Variants in ZNF444 observed in about 807,000 individuals in gnomAD.
The protein encoded by ZNF444 is zinc finger protein 444.
In ZNF444, 8 loss-of-function variants were observed where a neutral mutation model predicts 14.4. The observed-to-expected ratio is 0.56, with a 90% CI of 0.33 to 1.00. The LOEUF is 1.00. Ranked by LOEUF, ZNF444 falls within the 50% of genes least tolerant of loss-of-function variation. The pLI is 0.03. For missense variants in ZNF444, 510 were observed against 504.8 expected (o/e 1.01, Z -0.10); for synonymous variants, 258 against 235.9 (o/e 1.09, Z -0.86).
At chr19:56,136,101 A>AAAG (rs71184324) in intron 1 of ZNF444, among the ~76,000 whole-genome samples, 1 of 146,062 alleles carries the variant, frequency 6.8e-6, no homozygotes, top group African/African-American at 2.5e-5. Flanking sequence ...AAAAAAAAAA[A>AAAG]GCTAAAAAAA....
At chr19:56,136,515 C>G (rs553393984), upstream of ZNF444, among the ~76,000 whole-genome samples, 2 of 152,268 alleles carry the variant, frequency 1.3e-5, no homozygotes, top group South Asian at 4.1e-4. Context: ...TTGCTTTTAT[C>G]AGCGACTCCA....
At chr19:56,139,431 C>T (rs1256789601), upstream of ZNF444, among the ~76,000 whole-genome samples, 2 of 152,036 alleles carry the variant, frequency 1.3e-5, no homozygotes, top group African/African-American at 4.8e-5. Context: ...TTCACGCTTG[C>T]AATCACAGCA....
In ZNF444 at chr19:56,147,047, CG is replaced by C; in HGVS notation, c.139del (p.Asp47ThrfsTer23). The C allele has an allele frequency of 6.4e-7, 1 of 1,559,536 alleles. No individual in the cohort carries two copies. Among genetic ancestry groups the C allele is most frequent in the Non-Finnish European group, 8.6e-7 (1 of 1,158,596 alleles). On this transcript the variant is annotated frameshift_variant, in exon 3 of 5. Coordinates refer to ENST00000337080, the MANE Select transcript of ZNF444 (RefSeq NM_018337.4). LOFTEE classifies it high-confidence loss of function. This position sits in a 1 kb window ranked among gnomAD's most constrained non-coding sequence, Gnocchi z 5.9. ...EALGLLRALC[R>X]DWLRPEVHTK... Reference sequence around the variant, plus strand: ...GCTGGGGCTGCTCCGCGCCCTGTGCCGGGACTGGCTGCGGCCCGAGGTGCAC... The same window carrying C: ...GCTGGGGCTGCTCCGCGCCCTGTGCCGGACTGGCTGCGGCCCGAGGTGCAC...
rs1247393913 is a variant in ZNF444, at chr19:56,144,054, A to C, written c.-196-2193A>C. Among the ~76,000 whole-genome samples, 1 of 152,134 alleles carries C rather than the reference A, an allele frequency of 6.6e-6. No individual in the cohort carries two copies. On this transcript the variant is annotated intron_variant, in intron 1 of 4. Transcript: ENST00000337080. The surrounding 1 kb of genome is among the most constrained non-coding windows in gnomAD (Gnocchi z 4.0). ...CCGGGCACAGTGGCTCACTCCTGTA[A>C]TCCCAGCACTTTGAGAGGCTGAGGT...
chr19:56,157,696 C>T (rs1218535768), intron 3 of ZNF444: 1 of 152,294 alleles, frequency 6.6e-6, no homozygotes, highest in Non-Finnish European at 1.5e-5. Flanking sequence ...AGCCACCTCG[C>T]CTGGCCTAGG....
chr19:56,135,028 G>A (rs1263131159), intron 1 of ZNF444, among the ~76,000 whole-genome samples: 1 of 151,978 alleles, frequency 6.6e-6, no homozygotes, highest in East Asian at 1.9e-4. Flanking sequence ...TCAGGAGATC[G>A]AGACCATCCT....
At chr19:56,143,978 C>A (rs1385515746) in intron 1 of ZNF444, among the ~76,000 whole-genome samples, 1 of 151,888 alleles carries the variant, frequency 6.6e-6, no homozygotes, top group Non-Finnish European at 1.5e-5. Context: ...GGTGCAGAGG[C>A]CCTGTGGTGG....
In ZNF444 at chr19:56,132,935, CTTTTT is replaced by C. The variant is rs61365745; in HGVS notation, c.-197+173_-197+177del. Among the ~76,000 whole-genome samples, 192 of 94,292 alleles carry C rather than the reference CTTTTT, an allele frequency of 2.0e-3. 4 individuals carry two copies. The highest frequency in any genetic ancestry group is 0.013 in the Middle Eastern group (1 of 80). 61.9% of individuals were successfully genotyped at this position (94,292 alleles called of 152,430 possible). On this transcript the variant is annotated intron_variant, in intron 1 of 2. Coordinates refer to the ZNF444 transcript ENST00000587467. ...TTTCTTTTTCTTTCTTTCTTTCTTTCTTTTTTTTTTTTTTTTTTTTGAGACAGAGT... is the reference window on the plus strand; with the variant it reads ...TTTCTTTTTCTTTCTTTCTTTCTTTCTTTTTTTTTTTTTTTGAGACAGAGT...
chr19:56,146,826 G>C, intron 2 of ZNF444, 64 bp from the exon 3 acceptor site: 2 of 1,201,324 alleles, frequency 1.7e-6, no homozygotes, highest in Non-Finnish European at 2.1e-6. Flanking sequence ...TGGTCCCATT[G>C]TGAGTCTGGG....
Position 56,160,421 on chromosome 19 carries a change from C to T in ZNF444, c.*220C>T. The T allele has an allele frequency of 6.2e-6, 3 of 482,984 alleles. No individual in the cohort carries two copies. Among genetic ancestry groups the T allele is most frequent in the African/African-American group, 2.1e-5 (1 of 48,686 alleles). 29.9% of individuals were successfully genotyped at this position (482,984 alleles called of 1,614,324 possible). A position where few individuals can be genotyped will look rare whatever the true frequency, so the allele number is the denominator to read the frequency against. On this transcript the variant is annotated 3_prime_UTR_variant, in exon 5 of 5. Coordinates refer to ENST00000337080, the MANE Select transcript of ZNF444 (RefSeq NM_018337.4). ...TCTCAGGTCTCACCTCAGCCCCCCC[C>T]TTCTCCCTGATTTCTCGGCCTCTCT...
At chr19:56,156,761 CAGGG>C (rs2123548295) in intron 3 of ZNF444, 1 of 152,362 alleles carries the variant, frequency 6.6e-6, no homozygotes, top group East Asian at 1.9e-4. Context: ...CATAAAATCA[CAGGG>C]AGGGTTAGGA....
intron 1 of ZNF444, among the ~76,000 whole-genome samples, chr19:56,133,480 C>T (rs1254550616): frequency 6.6e-6 from 1 of 152,100 alleles, no homozygotes; most frequent in Admixed American, 6.6e-5. Flanking sequence ...GGAAAGTACA[C>T]CTGCTCCACT....
chr19:56,159,356 C>A (rs1166488892), intron 4 of ZNF444, among the ~76,000 whole-genome samples: 3 of 152,062 alleles, frequency 2.0e-5, no homozygotes, highest in Non-Finnish European at 4.4e-5. Flanking sequence ...CACCCATCAT[C>A]CACCCACGCA....
chr19:56,152,186 G>C (rs1355871334), intron 3 of ZNF444, among the ~76,000 whole-genome samples: 3 of 152,122 alleles, frequency 2.0e-5, no homozygotes, highest in African/African-American at 7.2e-5. Flanking sequence ...ACAAAAATCA[G>C]CTGGGCATGG....
At chr19:56,139,725 A>AAG (rs1030085663), upstream of ZNF444, among the ~76,000 whole-genome samples, 1 of 151,574 alleles carries the variant, frequency 6.6e-6, no homozygotes, top group African/African-American at 2.4e-5. Context: ...CAAAAAAAAA[A>AAG]AAAGAAAAAA....
At chr19:56,159,475 A>T (rs2032130578) in intron 4 of ZNF444, 149 bp from the exon 5 acceptor site, 1 of 613,600 alleles carries the variant, frequency 1.6e-6, no homozygotes, top group Non-Finnish European at 2.6e-6. Flanking sequence ...ACCGGGACAC[A>T]GGTATGAATA....
At chr19:56,156,988 A>G (rs2031948860) in intron 3 of ZNF444, 1 of 152,196 alleles carries the variant, frequency 6.6e-6, no homozygotes. Context: ...GTCTGCTGGC[A>G]CGGCTTCCCA....
chr19:56,160,055 T>C lies in ZNF444; in HGVS notation c.838T>C (p.Cys280Arg), dbSNP rs1311501524. Residue 280 changes from cysteine to arginine, a missense_variant, in exon 5 of 5, where the codon TGC (cysteine) becomes CGC (arginine). By Grantham distance (180) the Cys-to-Arg change is radical. Coordinates refer to ENST00000337080, the MANE Select transcript of ZNF444 (RefSeq NM_018337.4). ...KTHSGARPFA[C>R]WECGKGFGRR... ...GCACTCGGGAGCGCGGCCCTTTGCC[T>C]GCTGGGAGTGTGGCAAGGGCTTCGG... 2 of 1,506,490 alleles carry C rather than the reference T, an allele frequency of 1.3e-6. No individual in the cohort carries two copies. Among genetic ancestry groups the C allele is most frequent in the South Asian group, 1.2e-5 (1 of 81,930 alleles). 93.3% of individuals were successfully genotyped at this position (1,506,490 alleles called of 1,614,324 possible). A position where few individuals can be genotyped will look rare whatever the true frequency, so the allele number is the denominator to read the frequency against.
intron 2 of ZNF444, 80 bp from the exon 3 acceptor site, chr19:56,146,808 AAG>A: frequency 1.9e-6 from 2 of 1,065,312 alleles, no homozygotes; most frequent in Non-Finnish European, 1.2e-6. Flanking sequence ...AGTAAAAAAA[AAG>A]AGCGTTGGTC....
Sources: allele counts gnomAD v4.1 joint callset (sites outside exome capture counted in the v4.1 genomes callset), GRCh38; gene constraint gnomAD v4.1.1; non-coding constraint Gnocchi (gnomAD v3.1); transcripts MANE v1.5; gene names NCBI Gene and HGNC (gene_info 2026-07-23, HGNC 2026-07-21).